Variants in ABL1 observed in about 807,000 individuals in gnomAD.
ABL1 encodes ABL proto-oncogene 1, non-receptor tyrosine kinase.
Under a neutral mutation model 94.7 loss-of-function variants are expected in ABL1, and 11 were observed. The observed-to-expected ratio is 0.12, with a 90% CI of 0.07 to 0.19. ABL1 has a LOEUF of 0.19. Ranked by LOEUF, ABL1 falls within the 10% of genes least tolerant of loss-of-function variation. The pLI is 1.00. For missense variants in ABL1, 1,082 were observed against 1,489.4 expected, an observed-to-expected ratio of 0.73 and a Z score of 4.50; for synonymous variants, 656 against 622.4, an observed-to-expected ratio of 1.05 and a Z score of -0.80.
chr9:130,858,009 C>T lies in ABL1; in HGVS notation c.549+2913C>T, dbSNP rs541193159. 3.3e-5 allele frequency among the ~76,000 whole-genome samples: 5 copies of T among 152,112 alleles called. No homozygotes were observed. In the East Asian group the frequency reaches 5.8e-4, roughly 18 times the overall value. On this transcript the variant is annotated intron_variant, in intron 3 of 10. Transcript: ENST00000318560. ...AGTGAATCAGAACACCAGGGTGCAC[C>T]GCCCATGGGGGGTGATTTTCTGGAG... is the stretch of plus-strand genomic sequence containing the variant.
At chr9:130,812,023 A>G (rs1161266343) in intron 1 of ABL1, among the ~76,000 whole-genome samples, 3 of 151,450 alleles carry the variant, frequency 2.0e-5, no homozygotes, top group Admixed American at 1.3e-4. Context: ...TGGGACAAAT[A>G]TGAAACAAAG....
intron 1 of ABL1, among the ~76,000 whole-genome samples, chr9:130,747,636 C>T (rs1223517634): frequency 6.6e-6 from 1 of 152,188 alleles, no homozygotes; most frequent in Non-Finnish European, 1.5e-5. Context: ...TGGTCTCGAA[C>T]TCCTGACCTC....
At chr9:130,715,112 AATG>A (rs1468873604) in intron 1 of ABL1, among the ~76,000 whole-genome samples, 1 of 152,150 alleles carries the variant, frequency 6.6e-6, no homozygotes, top group Non-Finnish European at 1.5e-5. Context: ...CCCTGTTTAG[AATG>A]ATATTTGGGC....
In ABL1 at chr9:130,872,733, A is replaced by G. The variant is rs1831274412; in HGVS notation, c.908-127A>G. 1 of 887,560 alleles carries G rather than the reference A, an allele frequency of 1.1e-6. No individual in the cohort carries two copies. Among genetic ancestry groups the G allele is most frequent in the East Asian group, 2.6e-5 (1 of 38,786 alleles). The allele number at this position is 887,560 out of a possible 1,614,324, so 55.0% of individuals were successfully genotyped here. A position where few individuals can be genotyped will look rare whatever the true frequency, so the allele number is the denominator to read the frequency against. ...TCTCAGGATGCAGGTGCTTGGGACC[A>G]TGTTGGAAGTTGGGCCCAGGACTGA... On this transcript the variant is annotated intron_variant, in intron 5 of 10. Coordinates refer to ENST00000318560, the MANE Select transcript of ABL1 (RefSeq NM_005157.6). This position sits in a 1 kb window ranked among gnomAD's most constrained non-coding sequence, Gnocchi z 5.0.
At position 130,862,715 on chromosome 9, in the gene ABL1, G is replaced by C. The variant is rs761005394; in HGVS notation, c.550-48G>C. On this transcript the variant is annotated intron_variant, in intron 3 of 10. Coordinates refer to ENST00000318560, the MANE Select transcript of ABL1 (RefSeq NM_005157.6). This position sits in a 1 kb window ranked among gnomAD's most constrained non-coding sequence, Gnocchi z 5.5. ...CCAAACTGGCTCACGTGAGCTCTTT[G>C]AGCTTGCCTGTCTCTGTGGGCTGAA... is the stretch of plus-strand genomic sequence containing the variant. 1.8e-5 allele frequency: 28 copies of C among 1,589,870 alleles called. No homozygotes were observed. The South Asian group carries it at 3.2e-4, about 18-fold the overall frequency.
chr9:130,818,629 T>C (rs1307452021), intron 1 of ABL1, among the ~76,000 whole-genome samples: 2 of 152,232 alleles, frequency 1.3e-5, no homozygotes, highest in Admixed American at 6.5e-5. Flanking sequence ...TTTAGGCTTA[T>C]AATTCATTTC....
intron 3 of ABL1, among the ~76,000 whole-genome samples, chr9:130,861,479 C>T (rs1471860438): frequency 1.3e-5 from 2 of 152,212 alleles, no homozygotes; most frequent in African/African-American, 4.8e-5. Context: ...CTATTACAGA[C>T]GTATAGTAAT....
chr9:130,797,767 C>T (rs1348525541), intron 1 of ABL1, among the ~76,000 whole-genome samples: 1 of 152,182 alleles, frequency 6.6e-6, no homozygotes, highest in Admixed American at 6.5e-5. Context: ...CTATGTTTGA[C>T]AGTTATTCCA....
chr9:130,779,185 A>T (rs2855177), intron 1 of ABL1, among the ~76,000 whole-genome samples: 13 of 152,248 alleles, frequency 8.5e-5, no homozygotes, highest in Non-Finnish European at 1.5e-5. Flanking sequence ...GGCCTAAGCC[A>T]CTGCCAGGTG....
chr9:130,713,117 T>G (rs1445619944), exon 1 of ABL1, among the ~76,000 whole-genome samples: 6 of 152,286 alleles, frequency 3.9e-5, no homozygotes, highest in Middle Eastern at 3.4e-3. Flanking sequence ...TCCCGGGTCC[T>G]GCGGCTGAGG....
At chr9:130,811,677 G>A (rs1368757582) in intron 1 of ABL1, among the ~76,000 whole-genome samples, 8 of 151,954 alleles carry the variant, frequency 5.3e-5, no homozygotes, top group African/African-American at 9.7e-5. Flanking sequence ...TTGGGAGGCC[G>A]AGGTGGGTGG....
intron 1 of ABL1, among the ~76,000 whole-genome samples, chr9:130,823,092 G>A (rs563143890): frequency 9.2e-5 from 14 of 152,228 alleles, no homozygotes; most frequent in East Asian, 5.8e-4. Flanking sequence ...CACCGTGCCC[G>A]GCCTTCCAAG....
intron 8 of ABL1, 56 bp downstream of exon 8, chr9:130,878,623 A>C: frequency 6.2e-7 from 1 of 1,600,152 alleles, no homozygotes; most frequent in Admixed American, 1.7e-5. Flanking sequence ...AGGAAATTCA[A>C]CTGTGCAGGA....
chr9:130,778,469 G>A (rs993173814), intron 1 of ABL1, among the ~76,000 whole-genome samples: 2 of 152,172 alleles, frequency 1.3e-5, no homozygotes, highest in African/African-American at 4.8e-5. Context: ...TGGGTCAGGC[G>A]TGTGCCTTGG....
chr9:130,876,118 G>A (rs1332939695), intron 7 of ABL1, among the ~76,000 whole-genome samples: 2 of 152,108 alleles, frequency 1.3e-5, no homozygotes, highest in African/African-American at 4.8e-5. Flanking sequence ...GAGCCACCAC[G>A]CCTGGCCCCA....
intron 1 of ABL1, among the ~76,000 whole-genome samples, chr9:130,841,962 G>A (rs1295618600): frequency 4.0e-5 from 6 of 151,172 alleles, no homozygotes; most frequent in Non-Finnish European, 8.8e-5. Context: ...GAGGGAGGAA[G>A]GGGAGACATA....
At chr9:130,830,645 A>G (rs562238508), upstream of ABL1, among the ~76,000 whole-genome samples, 22 of 152,242 alleles carry the variant, frequency 1.4e-4, no homozygotes, top group Non-Finnish European at 2.4e-4. Flanking sequence ...AGTGAGATGT[A>G]GGCAGGAACA....
At chr9:130,816,702 C>G (rs1830290517) in intron 1 of ABL1, among the ~76,000 whole-genome samples, 1 of 151,898 alleles carries the variant, frequency 6.6e-6, no homozygotes. Flanking sequence ...TAGCTGGTCC[C>G]AAGTAAGTCC....
rs1288776983 is a variant in ABL1 at position 130,744,812 on chromosome 9, G to A, written c.136+30357G>A. 5.6e-5 allele frequency among the ~76,000 whole-genome samples: 8 copies of A among 143,632 alleles called. No homozygotes were observed. The East Asian group carries it at 1.1e-3, about 20-fold the overall frequency. 94.2% of individuals were successfully genotyped at this position (143,632 alleles called of 152,430 possible). A position where few individuals can be genotyped will look rare whatever the true frequency, so the allele number is the denominator to read the frequency against. Reference sequence around the variant, plus strand: ...GCGGAGCTTGCAGTGAGCCAAGATCGCACCACTGCACTCCAGCCTGGGCGA... The same window carrying A: ...GCGGAGCTTGCAGTGAGCCAAGATCACACCACTGCACTCCAGCCTGGGCGA... On this transcript the variant is annotated intron_variant, in intron 1 of 10. Transcript: ENST00000372348.
Sources: gnomAD v4.1 joint callset for allele counts (sites outside exome capture counted in the v4.1 genomes callset) on GRCh38, gnomAD v4.1.1 for gene constraint, Gnocchi (gnomAD v3.1) non-coding constraint, MANE v1.5 for transcripts, NCBI Gene and HGNC (gene_info 2026-07-23, HGNC 2026-07-21) for gene names.